LRBA: variants seen among roughly 807,000 people sequenced by gnomAD.
The protein encoded by LRBA is lipopolysaccharide-responsive and beige-like anchor protein.
In LRBA, 176 loss-of-function variants were observed where a neutral mutation model predicts 330.0. The ratio of observed to expected loss-of-function variants is 0.53; its 90% CI spans 0.47 to 0.60. The LOEUF (loss-of-function observed/expected upper bound fraction) is 0.60, where lower values mean the gene tolerates loss of function less well. Among genes scored for constraint, LRBA ranks in the 20% least tolerant of loss-of-function variants. The pLI, the probability that LRBA is intolerant of heterozygous loss-of-function variation, is 0.00. For synonymous variants in LRBA, 1,230 were observed against 1,193.0 expected (o/e 1.03, Z -0.64); for missense variants, 3,259 against 3,444.8 (o/e 0.95, Z 1.35).
At chr4:150,989,922 G>A (rs982829103) in intron 2 of LRBA, among the ~76,000 whole-genome samples, 1 of 151,822 alleles carries the variant, frequency 6.6e-6, no homozygotes, top group Admixed American at 6.6e-5. Context: ...CCAGGAGTTC[G>A]AGACCAGCCT....
chr4:150,500,133 G>A (rs1760072514), intron 40 of LRBA, among the ~76,000 whole-genome samples: 1 of 152,070 alleles, frequency 6.6e-6, no homozygotes, highest in African/African-American at 2.4e-5. Flanking sequence ...AAGAAAGGAT[G>A]TTTGACATGA....
intron 17 of LRBA, among the ~76,000 whole-genome samples, chr4:150,884,681 A>G (rs1392728137): frequency 6.6e-6 from 1 of 152,210 alleles, no homozygotes; most frequent in Non-Finnish European, 1.5e-5. Context: ...AAACTAAATG[A>G]GGCAAATTAT....
chr4:150,472,110 G>C (rs976893547), intron 42 of LRBA, among the ~76,000 whole-genome samples: 2 of 149,394 alleles, frequency 1.3e-5, no homozygotes, highest in African/African-American at 5.1e-5. Flanking sequence ...TTTATTAATT[G>C]TAATAGTTAT....
At chr4:150,807,004 T>G (rs1028056153) in intron 32 of LRBA, among the ~76,000 whole-genome samples, 5 of 151,222 alleles carry the variant, frequency 3.3e-5, no homozygotes, top group African/African-American at 1.2e-4. Context: ...ACTGAGATAG[T>G]TGTAAATGTA....
In LRBA at chr4:150,265,111, C is replaced by T. The variant is rs1171733139; in HGVS notation, c.*611G>A. On this transcript the variant is annotated 3_prime_UTR_variant, in exon 57 of 57. Coordinates refer to ENST00000651943, the MANE Select transcript of LRBA (RefSeq NM_001364905.1). The stretch of plus-strand genomic sequence containing the variant: ...TTTCACACTTGCTATAAATTAGATT[C>T]CTTGTGCTAACCACACAATAAAATA... 6.5e-6 allele frequency: 1 copy of T among 152,760 alleles called. No homozygotes were observed. Among genetic ancestry groups the T allele is most frequent in the African/African-American group, 2.4e-5 (1 of 41,450 alleles). The allele number at this position is 152,760 out of a possible 1,614,324, so 9.5% of individuals were successfully genotyped here.
chr4:150,783,617 T>A (rs1738589140), intron 34 of LRBA, among the ~76,000 whole-genome samples: 1 of 152,308 alleles, frequency 6.6e-6, no homozygotes, highest in Non-Finnish European at 1.5e-5. Context: ...CCAAAAAGAA[T>A]GCACTGTGTT....
intron 36 of LRBA, among the ~76,000 whole-genome samples, chr4:150,725,653 C>T (rs1456392290): frequency 6.6e-6 from 1 of 152,156 alleles, no homozygotes; most frequent in Non-Finnish European, 1.5e-5. Flanking sequence ...AGGTACAAAT[C>T]TCACTGGTAA....
chr4:150,989,180 A>G (rs1247387786), intron 2 of LRBA, among the ~76,000 whole-genome samples: 1 of 151,490 alleles, frequency 6.6e-6, no homozygotes, highest in Non-Finnish European at 1.5e-5. Flanking sequence ...TAATTTCTGT[A>G]TTGTTAGTAG....
rs868802616 is a variant in LRBA at position 150,609,346 on chromosome 4, G to A, written c.5922-10215C>T. The stretch of plus-strand genomic sequence containing the variant: ...CAAGAGTTCTTTCTTTTTCCTGATG[G>A]TCTGACACAATGAAACATGTAGATC... On this transcript the variant is annotated intron_variant, in intron 37 of 56. Coordinates refer to ENST00000651943, the MANE Select transcript of LRBA (RefSeq NM_001364905.1). Among the ~76,000 whole-genome samples, 6 of 152,088 alleles carry A rather than the reference G, an allele frequency of 3.9e-5. 1 individual carries two copies. The highest frequency in any genetic ancestry group is 2.1e-4 in the South Asian group (1 of 4,832).
intron 2 of LRBA, among the ~76,000 whole-genome samples, chr4:150,974,183 C>T (rs1308143894): frequency 6.6e-6 from 1 of 152,054 alleles, no homozygotes; most frequent in Non-Finnish European, 1.5e-5. Flanking sequence ...CTCAGTGACA[C>T]CTTGAGACAA....
chr4:150,614,391 A>G (rs941413931), intron 37 of LRBA, among the ~76,000 whole-genome samples: 23 of 152,120 alleles, frequency 1.5e-4, no homozygotes, highest in African/African-American at 5.1e-4. Context: ...AAGAAAGTGG[A>G]AAAAAAAGTA....
chr4:150,323,089 C>G (rs1427607083), intron 49 of LRBA, among the ~76,000 whole-genome samples: 3 of 148,708 alleles, frequency 2.0e-5, no homozygotes, highest in Admixed American at 1.4e-4. Context: ...AAATATGTGG[C>G]CTTTGATTTT....
chr4:150,994,334 T>C (rs1003070673), intron 2 of LRBA, among the ~76,000 whole-genome samples: 5 of 152,150 alleles, frequency 3.3e-5, no homozygotes, highest in Admixed American at 1.3e-4. Flanking sequence ...CTAATATTCC[T>C]CACCTTTAAA....
At chr4:150,672,246 T>A (rs1782125136) in intron 37 of LRBA, among the ~76,000 whole-genome samples, 2 of 152,176 alleles carry the variant, frequency 1.3e-5, no homozygotes, top group Admixed American at 6.5e-5. Context: ...GTACTTTTTT[T>A]AATAATCCCA....
chr4:150,338,103 A>G (rs1734983880), intron 48 of LRBA, among the ~76,000 whole-genome samples: 1 of 152,182 alleles, frequency 6.6e-6, no homozygotes. Context: ...GATTACGCAT[A>G]GCTAAGACAG....
At chr4:150,996,116 G>A (rs1742615971) in intron 2 of LRBA, among the ~76,000 whole-genome samples, 1 of 149,564 alleles carries the variant, frequency 6.7e-6, no homozygotes, top group Non-Finnish European at 1.5e-5. Flanking sequence ...TTCAAAGTAG[G>A]AGACATTTCA....
chr4:150,993,535 T>C lies in LRBA; in HGVS notation c.216+20892A>G, dbSNP rs141141532. Among the ~76,000 whole-genome samples the C allele has an allele frequency of 4.2e-3, 637 of 152,266 alleles. 4 individuals are homozygous for C. The highest frequency in any genetic ancestry group is 0.014 in the African/African-American group (570 of 41,548). On this transcript the variant is annotated intron_variant, in intron 2 of 56. Coordinates refer to ENST00000651943, the MANE Select transcript of LRBA (RefSeq NM_001364905.1). ...GCCTGACCAACATGATAAAACCTCA[T>C]TGTATTAGTCCATTTTCATGCTATT...
chr4:150,591,932 C>T (rs1008744020), intron 38 of LRBA, among the ~76,000 whole-genome samples: 2 of 152,066 alleles, frequency 1.3e-5, no homozygotes, highest in African/African-American at 2.4e-5. Context: ...TTTCTCCTTA[C>T]GACAAGCAGG....
intron 32 of LRBA, 26 bp downstream of exon 32, chr4:150,808,294 A>T: frequency 6.8e-7 from 1 of 1,475,750 alleles, no homozygotes; most frequent in Non-Finnish European, 9.4e-7. Context: ...TATAAATCAC[A>T]ATATTCAAGT....
Sources: allele counts gnomAD v4.1 joint callset (sites outside exome capture counted in the v4.1 genomes callset), GRCh38; gene constraint gnomAD v4.1.1; transcripts MANE v1.5; gene names NCBI Gene and HGNC (gene_info 2026-07-23, HGNC 2026-07-21).